FSTL4: variants seen among roughly 807,000 people sequenced by gnomAD.
The protein encoded by FSTL4 is follistatin like 4.
FSTL4 carries 28 observed loss-of-function variants against 78.2 expected under a neutral mutation model. The observed-to-expected ratio is 0.36, with a 90% CI of 0.27 to 0.49. The LOEUF (loss-of-function observed/expected upper bound fraction) is 0.49. Ranked by LOEUF, FSTL4 falls within the 20% of genes least tolerant of loss-of-function variation. The pLI is 0.98. For missense variants in FSTL4, 922 were observed against 1,084.9 expected, an observed-to-expected ratio of 0.85 and a Z score of 2.11; for synonymous variants, 422 against 440.5, an observed-to-expected ratio of 0.96 and a Z score of 0.53.
intron 3 of FSTL4, among the ~76,000 whole-genome samples, chr5:133,514,582 T>C (rs1758815918): frequency 6.6e-6 from 1 of 152,064 alleles, no homozygotes; most frequent in Non-Finnish European, 1.5e-5. Flanking sequence ...GAACAAATAA[T>C]CAAGACAAAG....
chr5:133,656,133 T>C, the FSTL4 span, among the ~76,000 whole-genome samples: 1 of 152,104 alleles, frequency 6.6e-6, no homozygotes, highest in African/African-American at 2.4e-5. Context: ...GCAGGTAGTT[T>C]ATTTAAGAGG....
chr5:133,665,522 C>T, the FSTL4 span, among the ~76,000 whole-genome samples: 1 of 152,174 alleles, frequency 6.6e-6, no homozygotes, highest in Non-Finnish European at 1.5e-5. Flanking sequence ...GCCTCTGCCA[C>T]GGTGCTTGCC....
the FSTL4 span, among the ~76,000 whole-genome samples, chr5:133,755,212 CT>C: frequency 6.6e-6 from 1 of 152,180 alleles, no homozygotes; most frequent in Admixed American, 6.5e-5. Context: ...AATGCAGTTC[CT>C]TTTGGCCAAG....
At chr5:133,553,052 A>G (rs1759719868) in intron 3 of FSTL4, among the ~76,000 whole-genome samples, 1 of 152,122 alleles carries the variant, frequency 6.6e-6, no homozygotes, top group African/African-American at 2.4e-5. Flanking sequence ...TGCAGCGGCT[A>G]CTTAGTCTCT....
chr5:133,308,250 C>T (rs1301637634), intron 6 of FSTL4, among the ~76,000 whole-genome samples: 1 of 152,198 alleles, frequency 6.6e-6, no homozygotes, highest in East Asian at 1.9e-4. Context: ...CACTGGCACC[C>T]ATGGTCTTGG....
intron 2 of FSTL4, among the ~76,000 whole-genome samples, chr5:133,592,249 G>A (rs1760646001): frequency 6.6e-6 from 1 of 152,172 alleles, no homozygotes; most frequent in Non-Finnish European, 1.5e-5. Flanking sequence ...GCTTTGTGCT[G>A]CATTCGCCGC....
At chr5:133,756,988 C>A in the FSTL4 span, among the ~76,000 whole-genome samples, 1 of 152,140 alleles carries the variant, frequency 6.6e-6, no homozygotes, top group African/African-American at 2.4e-5. Context: ...TCAAGTGGCC[C>A]CCATCTAACT....
At chr5:133,316,393 G>A in intron 5 of FSTL4, 66 bp downstream of exon 5, 1 of 1,268,264 alleles carries the variant, frequency 7.9e-7, no homozygotes, top group African/African-American at 1.5e-5. Flanking sequence ...GACACCAGGG[G>A]GCCGGGGTGG....
At chr5:133,506,280 G>A (rs1183879649) in intron 3 of FSTL4, among the ~76,000 whole-genome samples, 1 of 152,216 alleles carries the variant, frequency 6.6e-6, no homozygotes, top group Non-Finnish European at 1.5e-5. Context: ...ATCCGTTGGA[G>A]CCAAAGGCAG....
At chr5:133,515,470 A>G (rs10477753) in intron 3 of FSTL4, among the ~76,000 whole-genome samples, 1,651 of 152,256 alleles carry the variant, frequency 0.011, 30 homozygotes, top group African/African-American at 0.037. Context: ...TAGGGAATAT[A>G]TGAGGCACTG....
At chr5:133,804,080 T>C in the FSTL4 span, among the ~76,000 whole-genome samples, 1 of 152,190 alleles carries the variant, frequency 6.6e-6, no homozygotes, top group East Asian at 1.9e-4. Flanking sequence ...CCTTTCTGAA[T>C]TTTGCTTCCC....
the FSTL4 span, among the ~76,000 whole-genome samples, chr5:133,728,091 T>C: frequency 0.067 from 10,166 of 152,288 alleles, 454 homozygotes; most frequent in Middle Eastern, 0.14. Flanking sequence ...GTAGAAGAGA[T>C]GGCATTCCAG....
chr5:133,490,369 G>GTT (rs35271238), intron 3 of FSTL4, among the ~76,000 whole-genome samples: 3 of 142,722 alleles, frequency 2.1e-5, no homozygotes, highest in Admixed American at 1.4e-4. Flanking sequence ...AATTTTAAAA[G>GTT]TTTTTTTTTT....
At chr5:133,509,571 C>T (rs457616) in intron 3 of FSTL4, among the ~76,000 whole-genome samples, 10,347 of 152,226 alleles carry the variant, frequency 0.068, 383 homozygotes, top group Non-Finnish European at 0.077. Flanking sequence ...TGTTCACTCT[C>T]GCTATTTAAA....
At chr5:133,631,708 C>T in the FSTL4 span, among the ~76,000 whole-genome samples, 37,423 of 152,068 alleles carry the variant, frequency 0.25, 5,942 homozygotes, top group African/African-American at 0.46. Flanking sequence ...TGTATGTTTA[C>T]TGCAGCACTA....
At chr5:133,201,524 T>C (rs1329198460) in intron 15 of FSTL4, among the ~76,000 whole-genome samples, 2 of 152,212 alleles carry the variant, frequency 1.3e-5, no homozygotes, top group South Asian at 2.1e-4. Flanking sequence ...CTGTGTGACA[T>C]TGGTCAGTGT....
At chr5:133,484,114 T>A (rs1032378349) in intron 3 of FSTL4, among the ~76,000 whole-genome samples, 4 of 152,238 alleles carry the variant, frequency 2.6e-5, no homozygotes, top group African/African-American at 9.6e-5. Context: ...TCTCTCTCCC[T>A]GGGTGTGGCA....
chr5:133,342,837 C>T (rs997506050), intron 4 of FSTL4, among the ~76,000 whole-genome samples: 4 of 152,234 alleles, frequency 2.6e-5, no homozygotes, highest in African/African-American at 9.6e-5. Flanking sequence ...TGCCTTCACG[C>T]TGTGTGTGTT....
chr5:133,597,316 G>A (rs1760757629), intron 2 of FSTL4, among the ~76,000 whole-genome samples: 1 of 152,146 alleles, frequency 6.6e-6, no homozygotes, highest in Non-Finnish European at 1.5e-5. Context: ...GGAAGCAAAA[G>A]CAACAACCCA....
Sources: gnomAD v4.1 joint callset for allele counts (sites outside exome capture counted in the v4.1 genomes callset) on GRCh38, gnomAD v4.1.1 for gene constraint, MANE v1.5 for transcripts, NCBI Gene and HGNC (gene_info 2026-07-23, HGNC 2026-07-21) for gene names.